FOXP1: variants seen among roughly 807,000 people sequenced by gnomAD.
FOXP1 encodes forkhead box protein P1.
FOXP1 carries 15 observed loss-of-function variants against 98.2 expected under a neutral mutation model. The ratio of observed to expected loss-of-function variants is 0.15; its 90% CI spans 0.10 to 0.24. FOXP1 has a LOEUF of 0.24. Among genes scored for constraint, FOXP1 ranks in the 10% least tolerant of loss-of-function variants. FOXP1 has a pLI of 1.00. For synonymous variants in FOXP1, 371 were observed against 314.5 expected, an observed-to-expected ratio of 1.18 and a Z score of -1.90; for missense variants, 633 against 848.5, an observed-to-expected ratio of 0.75 and a Z score of 3.15.
intron 2 of FOXP1, among the ~76,000 whole-genome samples, chr3:71,538,212 T>C (rs549540306): frequency 1.3e-4 from 20 of 152,296 alleles, no homozygotes; most frequent in South Asian, 1.0e-3. Flanking sequence ...TTTTAAACAA[T>C]AGAACTGAAT....
chr3:71,541,112 A>G (rs1257902543), intron 2 of FOXP1, among the ~76,000 whole-genome samples: 3 of 152,184 alleles, frequency 2.0e-5, no homozygotes, highest in Non-Finnish European at 4.4e-5. Context: ...GCACTGCCCT[A>G]ATTTATAAGG....
chr3:71,151,691 G>A (rs932682222), intron 6 of FOXP1, among the ~76,000 whole-genome samples: 30 of 132,716 alleles, frequency 2.3e-4, no homozygotes, highest in Admixed American at 1.1e-3. Flanking sequence ...CAAAGTTAAT[G>A]AAATAATTAT....
intron 6 of FOXP1, among the ~76,000 whole-genome samples, chr3:71,125,229 C>T (rs906662916): frequency 6.6e-6 from 1 of 152,142 alleles, no homozygotes; most frequent in Admixed American, 6.5e-5. Context: ...ATCCCAACTA[C>T]GATTGGTTCT....
intron 7 of FOXP1, among the ~76,000 whole-genome samples, chr3:71,075,449 T>A (rs2053698971): frequency 6.6e-6 from 1 of 152,240 alleles, no homozygotes; most frequent in African/African-American, 2.4e-5. Context: ...CTTATTTTTT[T>A]GTGCTGTAGG....
intron 11 of FOXP1, among the ~76,000 whole-genome samples, chr3:71,018,721 C>T (rs900338634): frequency 1.3e-5 from 2 of 152,104 alleles, no homozygotes; most frequent in African/African-American, 4.8e-5. Context: ...GGAAAGATAC[C>T]TAAGAAACTG....
At chr3:71,275,776 A>G (rs907613307) in intron 5 of FOXP1, among the ~76,000 whole-genome samples, 2 of 152,192 alleles carry the variant, frequency 1.3e-5, no homozygotes, top group African/African-American at 2.4e-5. Flanking sequence ...TAGTAATCAC[A>G]TGCCCGTGTC....
intron 6 of FOXP1, among the ~76,000 whole-genome samples, chr3:71,170,325 A>G (rs1381920339): frequency 6.6e-6 from 1 of 152,198 alleles, no homozygotes; most frequent in East Asian, 1.9e-4. Context: ...ATATTTGATT[A>G]CTGCTAGTCA....
At chr3:70,986,242 A>C (rs1057089829) in intron 14 of FOXP1, among the ~76,000 whole-genome samples, 11 of 152,192 alleles carry the variant, frequency 7.2e-5, no homozygotes, top group Non-Finnish European at 1.3e-4. Flanking sequence ...TGTGGCCCAC[A>C]GGGGCTTACA....
rs547439874 is a variant in FOXP1, at chr3:71,186,733, T to A, written c.180+11469A>T. On this transcript the variant is annotated intron_variant, in intron 6 of 20. Transcript: ENST00000649528. ...TCAAACGAACAAACAAACAAACAAA[T>A]ATATATAGTATAAATAAATAGATAT... Among the ~76,000 whole-genome samples, 9 of 151,996 alleles carry A rather than the reference T, an allele frequency of 5.9e-5. No individual in the cohort carries two copies. The East Asian group carries it at 1.5e-3, about 26-fold the overall frequency.
At chr3:71,369,537 G>A (rs894924330) in intron 3 of FOXP1, among the ~76,000 whole-genome samples, 1 of 152,132 alleles carries the variant, frequency 6.6e-6, no homozygotes, top group Non-Finnish European at 1.5e-5. Flanking sequence ...TGGGATTATA[G>A]GCATGCACCA....
At position 71,390,876 on chromosome 3, in the gene FOXP1, G is replaced by A. The variant is rs903332613; in HGVS notation, c.-167-31632C>T. On this transcript the variant is annotated intron_variant, in intron 3 of 20. Coordinates refer to ENST00000649528, the MANE Select transcript of FOXP1 (RefSeq NM_001349338.3). ...GCCCCCCATCTGAGACAAGCCTCAC[G>A]TTATCAAACTCTGCCCTCCCCAGGC... 1.4e-4 allele frequency among the ~76,000 whole-genome samples: 21 copies of A among 152,310 alleles called. No individual in the cohort carries two copies. In the East Asian group the frequency reaches 3.5e-3, roughly 25 times the overall value.
At chr3:71,501,826 T>C (rs149045494) in intron 2 of FOXP1, among the ~76,000 whole-genome samples, 2 of 152,282 alleles carry the variant, frequency 1.3e-5, no homozygotes, top group Admixed American at 6.5e-5. Context: ...CTAAGACTCA[T>C]ATTGTGGTAC....
At chr3:71,358,305 A>C (rs560323011) in intron 4 of FOXP1, among the ~76,000 whole-genome samples, 1 of 152,192 alleles carries the variant, frequency 6.6e-6, no homozygotes, top group Non-Finnish European at 1.5e-5. Context: ...AAAGAAAGAC[A>C]TTTCAACAGC....
intron 2 of FOXP1, among the ~76,000 whole-genome samples, chr3:71,496,647 C>A (rs62247034): frequency 0.24 from 36,495 of 151,868 alleles, 5,215 homozygotes; most frequent in Non-Finnish European, 0.33. Context: ...TGGTGAAAAT[C>A]CCTCTCTACT....
In FOXP1 at chr3:71,021,109, G is replaced by A. The variant is rs767695840; in HGVS notation, c.870-5456C>T. ...TTAAAGTGCATAATTCAATATTCAC[G>A]GAGTTGTGTAACCATCATCACCAAC... On this transcript the variant is annotated intron_variant, in intron 11 of 20. Coordinates refer to ENST00000649528, the MANE Select transcript of FOXP1 (RefSeq NM_001349338.3). Among the ~76,000 whole-genome samples the A allele has an allele frequency of 8.5e-5, 13 of 152,160 alleles. No individual in the cohort carries two copies. The South Asian group carries it at 2.1e-3, about 24-fold the overall frequency.
rs201292603 is a variant in FOXP1 at position 71,087,385 on chromosome 3, G to A, written c.282+25151C>T. Among the ~76,000 whole-genome samples, 3 of 152,284 alleles carry A rather than the reference G, an allele frequency of 2.0e-5. No individual in the cohort carries two copies. In the East Asian group the frequency reaches 5.8e-4, roughly 29 times the overall value. ...CGACAACAAAATACCGGTTTTGTCT[G>A]GCAAAGGATTATGCAACATATTGAT... On this transcript the variant is annotated intron_variant, in intron 7 of 20. Transcript: ENST00000649528.
intron 12 of FOXP1, among the ~76,000 whole-genome samples, chr3:71,007,410 G>A (rs902805320): frequency 3.9e-5 from 6 of 152,156 alleles, no homozygotes; most frequent in Admixed American, 1.3e-4. Flanking sequence ...CGTGCAAGCC[G>A]AGAGCCACAA....
At chr3:71,272,785 A>AT (rs912019020) in intron 5 of FOXP1, among the ~76,000 whole-genome samples, 3 of 152,172 alleles carry the variant, frequency 2.0e-5, no homozygotes, top group South Asian at 4.2e-4. Context: ...GACTTTGGTC[A>AT]TTTTTTTGAC....
chr3:71,178,195 C>T (rs368230914), intron 6 of FOXP1, among the ~76,000 whole-genome samples: 43 of 148,446 alleles, frequency 2.9e-4, no homozygotes, highest in Middle Eastern at 3.6e-3. Context: ...AATGCAGTGG[C>T]GCGATCTCAG....
Sources: allele counts gnomAD v4.1 joint callset (sites outside exome capture counted in the v4.1 genomes callset), GRCh38; gene constraint gnomAD v4.1.1; transcripts MANE v1.5; gene names NCBI Gene and HGNC (gene_info 2026-07-23, HGNC 2026-07-21).